RGS7: variants seen among roughly 807,000 people sequenced by gnomAD.
RGS7 encodes regulator of G protein signaling 7, also known as regulator of G-protein signaling 7.
A neutral mutation model predicts 81.1 loss-of-function variants in RGS7; 27 were observed. The ratio of observed to expected loss-of-function variants is 0.33; its 90% CI spans 0.25 to 0.46. The LOEUF is 0.46. Among genes scored for constraint, RGS7 ranks in the 20% least tolerant of loss-of-function variants. The probability of loss-of-function intolerance (pLI) is 1.00; values close to 1 mark genes in which losing one functional copy is unlikely to be tolerated. For synonymous variants in RGS7, 208 were observed against 207.7 expected (o/e 1.00, Z -0.01); for missense variants, 396 against 607.4 (o/e 0.65, Z 3.66).
chr1:240,827,864 C>CAAAAAAA (rs57562408), intron 9 of RGS7, among the ~76,000 whole-genome samples: 9 of 52,836 alleles, frequency 1.7e-4, no homozygotes, highest in Non-Finnish European at 2.5e-4. Flanking sequence ...AACTCCATTG[C>CAAAAAAA]AAAAAAAAAA....
chr1:241,099,908 T>C (rs1337053741), intron 2 of RGS7, among the ~76,000 whole-genome samples: 2 of 152,230 alleles, frequency 1.3e-5, no homozygotes, highest in Non-Finnish European at 2.9e-5. Context: ...GTACTAATGT[T>C]AATTTCTTGT....
At chr1:241,177,035 T>C (rs748452760) in intron 2 of RGS7, among the ~76,000 whole-genome samples, 2 of 152,234 alleles carry the variant, frequency 1.3e-5, no homozygotes, top group Non-Finnish European at 2.9e-5. Flanking sequence ...GCACCTGCTG[T>C]GTGCTCTGCT....
intron 10 of RGS7, among the ~76,000 whole-genome samples, chr1:240,826,179 C>A (rs748821659): frequency 6.6e-6 from 1 of 152,180 alleles, no homozygotes; most frequent in Non-Finnish European, 1.5e-5. Flanking sequence ...CGGGCAGAAG[C>A]ATTTGAGCAC....
intron 2 of RGS7, among the ~76,000 whole-genome samples, chr1:241,151,565 C>CTTTTTTTTT (rs58097674): frequency 2.6e-5 from 3 of 116,478 alleles, no homozygotes; most frequent in African/African-American, 1.0e-4. Flanking sequence ...ATTAGGAACT[C>CTTTTTTTTT]TTTTTTTTTT....
intron 4 of RGS7, among the ~76,000 whole-genome samples, chr1:240,963,936 C>T (rs1681881043): frequency 6.6e-6 from 1 of 152,112 alleles, no homozygotes; most frequent in South Asian, 2.1e-4. Flanking sequence ...CACTTGAAGC[C>T]AGGAGTTTGG....
At chr1:241,339,609 G>C (rs12128314) in intron 2 of RGS7, among the ~76,000 whole-genome samples, 1 of 152,226 alleles carries the variant, frequency 6.6e-6, no homozygotes, top group East Asian at 1.9e-4. Flanking sequence ...GTCAGGTATG[G>C]TGACCCTGTA....
intron 2 of RGS7, among the ~76,000 whole-genome samples, chr1:241,151,617 C>A (rs111818618): frequency 7.2e-6 from 1 of 139,374 alleles, no homozygotes; most frequent in Non-Finnish European, 1.5e-5. Flanking sequence ...ATGTGCAGAA[C>A]GTGCAGTTTT....
chr1:241,020,703 T>A (rs76297978), intron 3 of RGS7, among the ~76,000 whole-genome samples: 12,992 of 151,122 alleles, frequency 0.086, 618 homozygotes, highest in Middle Eastern at 0.16. Flanking sequence ...AACTATCAGT[T>A]TGGCCAAACA....
chr1:241,201,835 G>C (rs1204856865), intron 2 of RGS7, among the ~76,000 whole-genome samples: 3 of 151,980 alleles, frequency 2.0e-5, no homozygotes, highest in Non-Finnish European at 4.4e-5. Context: ...TAGGAGCCAG[G>C]ATCAGAATCC....
chr1:241,145,091 A>G (rs1572878545), intron 2 of RGS7, among the ~76,000 whole-genome samples: 2 of 150,680 alleles, frequency 1.3e-5, no homozygotes, highest in East Asian at 3.9e-4. Flanking sequence ...ATCTCGGCTC[A>G]CTTCCACTTC....
In RGS7 at chr1:240,806,248, C is replaced by A; in HGVS notation, c.1161G>T (p.Glu387Asp). 1 of 1,613,982 alleles carries A rather than the reference C, an allele frequency of 6.2e-7. No individual in the cohort carries two copies. Among genetic ancestry groups the A allele is most frequent in the South Asian group, 1.1e-5 (1 of 91,086 alleles). Residue 387 changes from glutamate (E) to aspartate (D), a missense_variant, in exon 15 of 19, where the codon GAG becomes GAT. By Grantham distance (45) the Glu-to-Asp change is conservative. Coordinates refer to ENST00000440928, the MANE Select transcript of RGS7 (RefSeq NM_001364886.1). ...CACTGGGGGCTCCGGGAGCCAGAAACTCTTGCCATATTTCCTGAACTCTTG... is the reference window on the plus strand; with the variant it reads ...CACTGGGGGCTCCGGGAGCCAGAAAATCTTGCCATATTTCCTGAACTCTTG... Reference protein sequence around the residue: ...VPSRVQEIWQEFLAPGAPSAI... With the variant: ...VPSRVQEIWQDFLAPGAPSAI...
intron 3 of RGS7, among the ~76,000 whole-genome samples, chr1:241,074,052 C>A (rs1307399455): frequency 6.6e-6 from 1 of 152,062 alleles, no homozygotes; most frequent in African/African-American, 2.4e-5. Flanking sequence ...AGGCATGTGC[C>A]ACCAGGCCTG....
At chr1:241,208,698 C>T (rs890231035) in intron 2 of RGS7, among the ~76,000 whole-genome samples, 10 of 152,128 alleles carry the variant, frequency 6.6e-5, no homozygotes. Flanking sequence ...TCCAAACATC[C>T]TCGGCAACAC....
At chr1:241,112,589 T>G (rs2065595835) in intron 2 of RGS7, among the ~76,000 whole-genome samples, 1 of 152,212 alleles carries the variant, frequency 6.6e-6, no homozygotes, top group Non-Finnish European at 1.5e-5. Flanking sequence ...CTTAGGTGTT[T>G]CATGGTTTTC....
intron 6 of RGS7, among the ~76,000 whole-genome samples, chr1:240,902,891 A>G (rs1177243899): frequency 6.6e-6 from 1 of 152,210 alleles, no homozygotes; most frequent in Non-Finnish European, 1.5e-5. Context: ...ATATGTGTTT[A>G]AAAGTAGCAA....
chr1:241,226,752 G>A (rs2075331807), intron 2 of RGS7, among the ~76,000 whole-genome samples: 1 of 152,158 alleles, frequency 6.6e-6, no homozygotes, highest in South Asian at 2.1e-4. Context: ...CTGACAAAAG[G>A]AAGCCATTGC....
chr1:241,303,185 G>A (rs758497475), intron 2 of RGS7, among the ~76,000 whole-genome samples: 15 of 147,356 alleles, frequency 1.0e-4, no homozygotes, highest in Non-Finnish European at 1.9e-4. Context: ...GTTGTAAAAG[G>A]AGCCTGGTGG....
intron 3 of RGS7, among the ~76,000 whole-genome samples, chr1:241,082,307 A>G (rs2063179537): frequency 6.6e-6 from 1 of 152,248 alleles, no homozygotes; most frequent in Non-Finnish European, 1.5e-5. Context: ...TCACATGTTC[A>G]GAAGGCACTA....
intron 18 of RGS7, among the ~76,000 whole-genome samples, chr1:240,778,737 T>A (rs565024166): frequency 7.9e-5 from 12 of 152,166 alleles, no homozygotes; most frequent in Non-Finnish European, 1.5e-4. Flanking sequence ...TTTCACCATG[T>A]TGGCCAGGAT....
Sources: gnomAD v4.1 joint callset for allele counts (sites outside exome capture counted in the v4.1 genomes callset) on GRCh38, gnomAD v4.1.1 for gene constraint, MANE v1.5 for transcripts, NCBI Gene and HGNC (gene_info 2026-07-23, HGNC 2026-07-21) for gene names.